The following KAT2B variants were observed in gnomAD, a reference collection of about 807,000 sequenced individuals.
The protein encoded by KAT2B is histone acetyltransferase KAT2B.
In KAT2B, 36 loss-of-function variants were observed where a neutral mutation model predicts 105.9. The observed-to-expected ratio is 0.34, with a 90% confidence interval of 0.26 to 0.45. KAT2B has a LOEUF of 0.45. Among genes scored for constraint, KAT2B ranks in the 20% least tolerant of loss-of-function variants. KAT2B has a pLI of 1.00. For missense variants in KAT2B, 820 were observed against 1,021.6 expected (o/e 0.80, Z 2.69); for synonymous variants, 397 against 377.9 (o/e 1.05, Z -0.59).
intron 1 of KAT2B, among the ~76,000 whole-genome samples, chr3:20,066,757 A>AG (rs1194095393): frequency 1.3e-5 from 2 of 152,082 alleles, no homozygotes; most frequent in East Asian, 3.8e-4. Context: ...TTAAAAAAAA[A>AG]AAATCAGAAA....
At chr3:20,069,502 GCTTTTCTTTTT>G (rs1165986394) in intron 1 of KAT2B, among the ~76,000 whole-genome samples, 1 of 144,230 alleles carries the variant, frequency 6.9e-6, no homozygotes, top group African/African-American at 2.6e-5. Flanking sequence ...AGGGCAGAGA[GCTTTTCTTTTT>G]CTTTTCTTTT....
At chr3:20,121,448 A>C (rs1190077164) in intron 8 of KAT2B, among the ~76,000 whole-genome samples, 1 of 152,194 alleles carries the variant, frequency 6.6e-6, no homozygotes, top group African/African-American at 2.4e-5. Context: ...AGGAGAAAAA[A>C]ACTACCATGC....
chr3:20,127,058 T>A lies in KAT2B; in HGVS notation c.1623-365T>A, dbSNP rs1463535215. ...GTAATATTTTGGAGTAAGACTTAAC[T>A]CTTCAGAGACACATACCATGTTTGT... On this transcript the variant is annotated intron_variant, in intron 10 of 17. Transcript: ENST00000263754. Among the ~76,000 whole-genome samples the A allele has an allele frequency of 2.6e-5, 4 of 152,318 alleles. No homozygotes were observed. The South Asian group carries it at 6.2e-4, about 24-fold the overall frequency.
chr3:20,069,254 A>G (rs1457845039), intron 1 of KAT2B, among the ~76,000 whole-genome samples: 1 of 152,194 alleles, frequency 6.6e-6, no homozygotes, highest in Non-Finnish European at 1.5e-5. Context: ...GTGAGAAGAC[A>G]AAGGAAAAGG....
intron 1 of KAT2B, among the ~76,000 whole-genome samples, chr3:20,046,707 T>G (rs1697817598): frequency 6.6e-6 from 1 of 152,222 alleles, no homozygotes; most frequent in African/African-American, 2.4e-5. Context: ...ACAAGCCTTA[T>G]AGTTGGAGAG....
rs762223190 is a variant in KAT2B at position 20,136,977 on chromosome 3, A to G, written c.1785A>G (p.Glu595=). The change falls in exon 12 of 18, where the codon GAA becomes GAG. Residue 595 remains glutamate, a synonymous_variant. Coordinates refer to ENST00000263754, the MANE Select transcript of KAT2B (RefSeq NM_003884.5). ...YGTHLMNHLK[E]YHIKHDILNF... ...CACACCTGATGAATCATTTGAAAGAATATCACATAAAGCATGACATCCTGA... is the reference window on the plus strand; with the variant it reads ...CACACCTGATGAATCATTTGAAAGAGTATCACATAAAGCATGACATCCTGA... 6 of 1,609,376 alleles carry G rather than the reference A, an allele frequency of 3.7e-6. No homozygotes were observed. In the African/African-American group the frequency reaches 5.3e-5, roughly 14 times the overall value.
At chr3:20,085,318 T>C (rs1271161507) in intron 2 of KAT2B, among the ~76,000 whole-genome samples, 2 of 152,230 alleles carry the variant, frequency 1.3e-5, no homozygotes, top group African/African-American at 4.8e-5. Context: ...GGCTTCAGAT[T>C]GACCTCAAGG....
intron 1 of KAT2B, among the ~76,000 whole-genome samples, chr3:20,048,155 A>T (rs1034021153): frequency 2.6e-5 from 4 of 152,186 alleles, no homozygotes; most frequent in Non-Finnish European, 5.9e-5. Context: ...AAGTGTCATA[A>T]AGCCAAGCAT....
At chr3:20,080,474 A>G (rs1262854030) in intron 2 of KAT2B, among the ~76,000 whole-genome samples, 3 of 152,212 alleles carry the variant, frequency 2.0e-5, no homozygotes, top group Non-Finnish European at 4.4e-5. Context: ...TCCTTCTTAT[A>G]TAACTATAAT....
chr3:20,111,221 A>G (rs1323484949), intron 5 of KAT2B, among the ~76,000 whole-genome samples: 4 of 152,322 alleles, frequency 2.6e-5, no homozygotes, highest in East Asian at 1.9e-4. Flanking sequence ...CAAGAACCCA[A>G]TGAAGTAGGT....
At chr3:20,057,404 G>A (rs1698020223) in intron 1 of KAT2B, among the ~76,000 whole-genome samples, 1 of 152,162 alleles carries the variant, frequency 6.6e-6, no homozygotes, top group South Asian at 2.1e-4. Flanking sequence ...AACGTGAGCT[G>A]TCCAAGGAAA....
intron 12 of KAT2B, 107 bp from the exon 13 acceptor site, chr3:20,140,114 T>G (rs1254577455): frequency 1.6e-5 from 12 of 736,374 alleles, no homozygotes; most frequent in Non-Finnish European, 2.5e-5. Flanking sequence ...CAATGAGAAC[T>G]TCAAAGAAGC....
rs542029889 is a variant in KAT2B at position 20,085,671 on chromosome 3, C to T, written c.431-9592C>T. On this transcript the variant is annotated intron_variant, in intron 2 of 17. Transcript: ENST00000263754. ...GACTACTGGCATGCACCACCACACC[C>T]GGCTATTTTTTGTGTTTTTAGTAGA... Among the ~76,000 whole-genome samples, 7 of 151,960 alleles carry T rather than the reference C, an allele frequency of 4.6e-5. No individual in the cohort carries two copies. In the East Asian group the frequency reaches 5.9e-4, roughly 13 times the overall value.
chr3:20,110,425 C>T (rs1354307274), intron 5 of KAT2B, among the ~76,000 whole-genome samples: 7 of 151,944 alleles, frequency 4.6e-5, no homozygotes, highest in Non-Finnish European at 1.0e-4. Flanking sequence ...AATCACAGCA[C>T]TTTGGGAAGC....
intron 1 of KAT2B, among the ~76,000 whole-genome samples, chr3:20,047,059 A>G (rs1035019125): frequency 1.3e-5 from 2 of 150,650 alleles, no homozygotes; most frequent in South Asian, 2.1e-4. Context: ...AAAAACATCA[A>G]TGGTTTTTGT....
intron 2 of KAT2B, among the ~76,000 whole-genome samples, chr3:20,086,050 C>T (rs571451429): frequency 2.0e-5 from 3 of 151,812 alleles, no homozygotes; most frequent in African/African-American, 4.8e-5. Flanking sequence ...GTGGATGGAT[C>T]GCTTGAGCTC....
intron 1 of KAT2B, 131 bp downstream of exon 1, chr3:20,040,911 G>C: frequency 8.7e-7 from 1 of 1,150,076 alleles, no homozygotes; most frequent in Non-Finnish European, 1.2e-6. Flanking sequence ...CCGCTGCACC[G>C]CGGAAGTGCT....
intron 1 of KAT2B, among the ~76,000 whole-genome samples, chr3:20,058,843 G>A (rs1327338018): frequency 1.3e-5 from 2 of 152,178 alleles, no homozygotes; most frequent in African/African-American, 4.8e-5. Context: ...TGTTGCTGAA[G>A]TCAAACCATC....
At position 20,122,756 on chromosome 3, in the gene KAT2B, C is replaced by T. The variant is rs149881135; in HGVS notation, c.1365C>T (p.Asn455=). 2.9e-4 allele frequency: 460 copies of T among 1,613,900 alleles called. No homozygotes were observed. Among genetic ancestry groups the T allele is most frequent in the East Asian group, 6.5e-4 (29 of 44,888 alleles). Residue 455 remains asparagine, a synonymous_variant, in exon 9 of 18, where the codon AAC becomes AAT. Transcript: ENST00000263754. ...VMGDIPMELI[N]EVMSTITDPA... ...GGGATATTCCGATGGAATTAATCAA[C>T]GAGGTTATGTCTACCATCACGGACC...
Sources: gnomAD v4.1 joint callset for allele counts (sites outside exome capture counted in the v4.1 genomes callset) on GRCh38, gnomAD v4.1.1 for gene constraint, MANE v1.5 for transcripts, NCBI Gene and HGNC (gene_info 2026-07-23, HGNC 2026-07-21) for gene names.